Variants in METTL3 observed in about 807,000 individuals in gnomAD.
METTL3 encodes the protein methyltransferase 3, N6-adenosine-methyltransferase complex catalytic subunit, also known as N(6)-adenosine-methyltransferase catalytic subunit METTL3.
A neutral mutation model predicts 64.3 loss-of-function variants in METTL3; 42 were observed. The ratio of observed to expected loss-of-function variants is 0.65; its 90% CI spans 0.51 to 0.84. METTL3 has a LOEUF of 0.84. Ranked by LOEUF, METTL3 falls within the 40% of genes least tolerant of loss-of-function variation. The pLI is 0.00. For missense variants in METTL3, 435 were observed against 722.3 expected (o/e 0.60, Z 4.56); for synonymous variants, 256 against 263.6 (o/e 0.97, Z 0.28).
At position 21,500,686 on chromosome 14, in the gene METTL3, C is replaced by T; in HGVS notation, c.1117-4G>A. Reference sequence around the variant, plus strand: ...AGCGGATATCACAACAGATCCACTGCATAAAGTGGTATTTGGTCATCTTCC... The same window carrying T: ...AGCGGATATCACAACAGATCCACTGTATAAAGTGGTATTTGGTCATCTTCC... On this transcript the variant is annotated splice_polypyrimidine_tract_variant and splice_region_variant and intron_variant, in intron 5 of 10. Transcript: ENST00000298717. 6.2e-7 allele frequency: 1 copy of T among 1,607,414 alleles called. No individual in the cohort carries two copies. Among genetic ancestry groups the T allele is most frequent in the Non-Finnish European group, 8.5e-7 (1 of 1,175,460 alleles).
chr14:21,499,367 C>A lies in METTL3; in HGVS notation c.1457G>T (p.Gly486Val). 6.2e-7 allele frequency: 1 copy of A among 1,614,180 alleles called. No individual in the cohort carries two copies. The highest frequency in any genetic ancestry group is 8.5e-7 in the Non-Finnish European group (1 of 1,180,036). ...GAAGCCTTGGGGATTTCCTTTGACA[C>A]CAACCTGCTCACCACAGATAACAGA... ...LNHGKEHCLV[G>V]VKGNPQGFNQ... Residue 486 changes from glycine to valine, a missense_variant, in exon 9 of 11, where the codon GGT becomes GTT. Physicochemically the swap from Gly to Val is moderately radical, Grantham distance 109. This residue lies in a region of METTL3 where 38 missense variants were observed against 102.3 expected (regional missense o/e 0.37). Transcript: ENST00000298717.
chr14:21,511,083 C>G, intron 1 of METTL3, 41 bp downstream of exon 1: 2 of 1,605,214 alleles, frequency 1.2e-6, no homozygotes, highest in Non-Finnish European at 1.7e-6. Context: ...CCCGCCCGTC[C>G]TCCCCGGTTG....
chr14:21,499,998 A>T (rs1005503255), intron 6 of METTL3, among the ~76,000 whole-genome samples, 196 bp from the exon 7 acceptor site: 6 of 152,222 alleles, frequency 3.9e-5, no homozygotes, highest in African/African-American at 7.2e-5. Flanking sequence ...TTTCTCAAAG[A>T]ACAAATGTAG....
intron 1 of METTL3, chr14:21,504,794 G>A (rs1023363096): frequency 2.0e-5 from 3 of 150,624 alleles, no homozygotes; most frequent in African/African-American, 4.9e-5. Flanking sequence ...AAAAAATTTA[G>A]CTGGGGGTGG....
In METTL3 at chr14:21,503,324, G is replaced by A; in HGVS notation, c.572C>T (p.Ala191Val). The A allele has an allele frequency of 6.2e-7, 1 of 1,614,158 alleles. No homozygotes were observed. Among genetic ancestry groups the A allele is most frequent in the Non-Finnish European group, 8.5e-7 (1 of 1,180,028 alleles). ...EQDSTTVAAFASSLVSGLNSS... is the reference protein window; with the variant it reads ...EQDSTTVAAFVSSLVSGLNSS... ...GTTCAGACCAGAGACTAACGAACTG[G>A]CAAAGGCAGCTACTGTAGTCGAGTC... is the stretch of plus-strand genomic sequence containing the variant. Residue 191 changes from alanine to valine, a missense_variant, in exon 3 of 11, where the codon GCC (alanine) becomes GTC (valine). Transcript: ENST00000298717.
intron 1 of METTL3, chr14:21,504,442 C>T (rs1416666196): frequency 1.3e-5 from 2 of 152,764 alleles, no homozygotes; most frequent in Non-Finnish European, 2.9e-5. Flanking sequence ...TCTATTACTT[C>T]ACAAGCTGGG....
intron 4 of METTL3, 118 bp downstream of exon 4, chr14:21,501,610 T>A (rs1891569463): frequency 1.5e-6 from 2 of 1,337,208 alleles, no homozygotes; most frequent in African/African-American, 2.9e-5. Flanking sequence ...CTGGAGGACT[T>A]ACACAAACCA....
Position 21,511,298 on chromosome 14 carries a change from T to C in METTL3, c.-75A>G. ...ACCTCCCAGCACTCGCTCCAGGATA[T>C]AGCCAATTCTCACGCGGACACCCCG... On this transcript the variant is annotated 5_prime_UTR_variant, in exon 1 of 11. Transcript: ENST00000298717. 1.3e-6 allele frequency: 2 copies of C among 1,527,800 alleles called. No homozygotes were observed. Among genetic ancestry groups the C allele is most frequent in the East Asian group, 2.5e-5 (1 of 40,410 alleles). The allele number at this position is 1,527,800 out of a possible 1,614,324, so 94.6% of individuals were successfully genotyped here.
chr14:21,499,963 T>C (rs887754957), intron 6 of METTL3, among the ~76,000 whole-genome samples, 161 bp from the exon 7 acceptor site: 1 of 152,172 alleles, frequency 6.6e-6, no homozygotes, highest in African/African-American at 2.4e-5. Flanking sequence ...AACGAAAAGA[T>C]AAAACTATGC....
intron 1 of METTL3, among the ~76,000 whole-genome samples, chr14:21,505,411 T>TA (rs1440164336): frequency 6.6e-6 from 1 of 152,252 alleles, no homozygotes; most frequent in Non-Finnish European, 1.5e-5. Context: ...ACTGATTTAA[T>TA]ACTGCTCATT....
chr14:21,498,460 T>A, intron 10 of METTL3, 91 bp from the exon 11 acceptor site: 1 of 1,159,414 alleles, frequency 8.6e-7, no homozygotes, highest in Non-Finnish European at 1.3e-6. Context: ...GAAGACTGCC[T>A]ATCATCATAT....
rs765287812 is a variant in METTL3 at position 21,499,385 on chromosome 14, A to AT, written c.1453-15dup. On this transcript the variant is annotated splice_polypyrimidine_tract_variant and intron_variant, in intron 8 of 10. Coordinates refer to ENST00000298717, the MANE Select transcript of METTL3 (RefSeq NM_019852.5). ...TTTGACACCAACCTGCTCACCACAGATAACAGATTACCTTATGAAACCACA... is the reference window on the plus strand; with the variant it reads ...TTTGACACCAACCTGCTCACCACAGATTAACAGATTACCTTATGAAACCACA... 1 of 1,614,168 alleles carries AT rather than the reference A, an allele frequency of 6.2e-7. No individual in the cohort carries two copies. Among genetic ancestry groups the AT allele is most frequent in the Admixed American group, 1.7e-5 (1 of 60,020 alleles).
intron 1 of METTL3, among the ~76,000 whole-genome samples, chr14:21,506,170 C>T (rs977036546): frequency 1.3e-5 from 2 of 151,708 alleles, no homozygotes; most frequent in Non-Finnish European, 2.9e-5. Context: ...TATATAACAC[C>T]CATTAGGATG....
At chr14:21,499,942 G>T in intron 6 of METTL3, 140 bp from the exon 7 acceptor site, 1 of 755,610 alleles carries the variant, frequency 1.3e-6, no homozygotes, top group Non-Finnish European at 2.3e-6. Context: ...CAAAAGCATG[G>T]TGGATCTAAG....
At position 21,508,724 on chromosome 14, in the gene METTL3, G is replaced by A. The variant is rs77159958; in HGVS notation, c.100+2400C>T. ...AGCCTGACCAACATGGAGAAACCCC[G>A]TCTCTACTAAAAATACAAAATTAGC... On this transcript the variant is annotated intron_variant, in intron 1 of 10. Transcript: ENST00000298717. 4.6e-3 allele frequency among the ~76,000 whole-genome samples: 697 copies of A among 152,004 alleles called. 46 individuals are homozygous for A. In the East Asian group the frequency reaches 0.11, roughly 25 times the overall value.
chr14:21,499,496 C>T lies in METTL3; in HGVS notation c.1448G>A (p.Cys483Tyr). 1.2e-6 allele frequency: 2 copies of T among 1,613,550 alleles called. No individual in the cohort carries two copies. The highest frequency in any genetic ancestry group is 1.7e-6 in the Non-Finnish European group (2 of 1,179,404). The change falls in exon 8 of 11, where the codon TGC becomes TAC. Residue 483 changes from cysteine to tyrosine, a missense_variant. By Grantham distance (194) the Cys-to-Tyr change is radical. This residue lies in a region of METTL3 where 38 missense variants were observed against 102.3 expected (regional missense o/e 0.37). Transcript: ENST00000298717. ...TTGGGCCCCACTGCTGCTCACCAAG[C>T]AGTGTTCCTTCCCATGGTTCAACCA... ...GHWLNHGKEHCLVGVKGNPQG... is the reference protein window; with the variant it reads ...GHWLNHGKEHYLVGVKGNPQG...
In METTL3 at chr14:21,500,924, A is replaced by C. The variant is rs1051035801; in HGVS notation, c.1105T>G (p.Phe369Val). Residue 369 changes from phenylalanine to valine, a missense_variant, in exon 5 of 11, where the codon TTC becomes GTC. Phe to Val is a conservative substitution (Grantham distance 50). Coordinates refer to ENST00000298717, the MANE Select transcript of METTL3 (RefSeq NM_019852.5). ...GAGCAGACAGGTACCTGAGGTGGGA[A>C]GAGTCGGTCTGCACTGGAATCACCT... The part of the protein sequence containing the change: ...VGGDSSADRL[F>V]PPQWICCDIR... The C allele has an allele frequency of 1.9e-6, 3 of 1,613,392 alleles. No homozygotes were observed. The highest frequency in any genetic ancestry group is 2.2e-5 in the East Asian group (1 of 44,860).
At chr14:21,510,935 G>C in intron 1 of METTL3, 189 bp downstream of exon 1, 1 of 610,860 alleles carries the variant, frequency 1.6e-6, no homozygotes, top group Middle Eastern at 4.5e-4. Context: ...GAGGCCCAGC[G>C]TGAGGAGGAA....
chr14:21,508,045 A>G (rs2139650495), intron 1 of METTL3: 1 of 152,130 alleles, frequency 6.6e-6, no homozygotes, highest in Non-Finnish European at 1.5e-5. Context: ...GCTTGAGCCC[A>G]AGAGTCCAAG....
Sources: gnomAD v4.1 joint callset for allele counts (sites outside exome capture counted in the v4.1 genomes callset) on GRCh38, gnomAD v4.1.1 for gene constraint, gnomAD v4.1.1 regional missense constraint, MANE v1.5 for transcripts, NCBI Gene and HGNC (gene_info 2026-07-23, HGNC 2026-07-21) for gene names.